Variants in ZNF804B observed in about 807,000 individuals in gnomAD.
The protein encoded by ZNF804B is zinc finger protein 804B.
ZNF804B carries 80 observed loss-of-function variants against 101.4 expected under a neutral mutation model. The ratio of observed to expected loss-of-function variants is 0.79; its 90% confidence interval spans 0.66 to 0.95. The LOEUF is 0.95. Among genes scored for constraint, ZNF804B ranks in the 40% least tolerant of loss-of-function variants. The pLI, the probability that ZNF804B is intolerant of heterozygous loss-of-function variation, is 0.00. For missense variants in ZNF804B, 1,673 were observed against 1,561.9 expected, an observed-to-expected ratio of 1.07 and a Z score of -1.20; for synonymous variants, 622 against 558.8, an observed-to-expected ratio of 1.11 and a Z score of -1.59.
chr7:89,035,056 A>G (rs1320460618), intron 1 of ZNF804B, among the ~76,000 whole-genome samples: 1 of 152,216 alleles, frequency 6.6e-6, no homozygotes, highest in Admixed American at 6.5e-5. Context: ...TTGGGGGAAG[A>G]AATTACATGT....
chr7:89,226,604 T>G (rs1789092299), intron 2 of ZNF804B, among the ~76,000 whole-genome samples: 1 of 152,072 alleles, frequency 6.6e-6, no homozygotes, highest in Admixed American at 6.5e-5. Flanking sequence ...CAAACTATGA[T>G]GTAACAACAT....
chr7:89,075,159 C>A (rs185818652), intron 1 of ZNF804B, among the ~76,000 whole-genome samples: 130 of 152,286 alleles, frequency 8.5e-4, no homozygotes, highest in Middle Eastern at 6.8e-3. Flanking sequence ...TTTCTAAGGA[C>A]AAATTCAAGC....
At chr7:89,085,038 T>G (rs1789768401) in intron 1 of ZNF804B, among the ~76,000 whole-genome samples, 1 of 151,938 alleles carries the variant, frequency 6.6e-6, no homozygotes, top group Admixed American at 6.6e-5. Context: ...GGGGACAGAC[T>G]GTTTCTGTAC....
chr7:88,890,353 T>G (rs1792198064), intron 1 of ZNF804B, among the ~76,000 whole-genome samples: 1 of 152,184 alleles, frequency 6.6e-6, no homozygotes, highest in Non-Finnish European at 1.5e-5. Context: ...TTGCAGGTTT[T>G]TACATAGACA....
chr7:89,301,933 G>A (rs926369857), intron 2 of ZNF804B, among the ~76,000 whole-genome samples: 5 of 151,790 alleles, frequency 3.3e-5, no homozygotes, highest in Non-Finnish European at 5.9e-5. Context: ...ATTAAGCACC[G>A]AACAAATGAT....
chr7:89,226,652 T>C (rs1274722742), intron 2 of ZNF804B, among the ~76,000 whole-genome samples: 1 of 152,070 alleles, frequency 6.6e-6, no homozygotes, highest in Non-Finnish European at 1.5e-5. Flanking sequence ...TCTTCATATA[T>C]TTTCACTTAA....
intron 1 of ZNF804B, among the ~76,000 whole-genome samples, chr7:89,018,821 C>T (rs10952942): frequency 0.71 from 108,157 of 151,836 alleles, 38,806 homozygotes; most frequent in African/African-American, 0.79. Context: ...CTCTTGCACT[C>T]CTGTTCTATC....
chr7:89,230,438 C>G (rs1296621488), intron 2 of ZNF804B, among the ~76,000 whole-genome samples: 3 of 151,878 alleles, frequency 2.0e-5, no homozygotes, highest in African/African-American at 7.3e-5. Flanking sequence ...CAAACTCATA[C>G]AAGAAGAAAA....
At position 89,333,589 on chromosome 7, in the gene ZNF804B, G is replaced by A. The variant is rs1315651346; in HGVS notation, c.607G>A (p.Val203Ile). Residue 203 changes from valine to isoleucine, a missense_variant, in exon 4 of 4, where the codon GTA becomes ATA. Coordinates refer to ENST00000333190, the MANE Select transcript of ZNF804B (RefSeq NM_181646.5). The stretch of plus-strand genomic sequence containing the variant: ...CAGGCGTTGTTTGTTTGGAAATCAG[G>A]TACTGCAAACATCTTCAGATCTCAG... Reference protein sequence around the residue: ...SDRRCLFGNQVLQTSSDLSNA... With the variant: ...SDRRCLFGNQILQTSSDLSNA... 1.9e-6 allele frequency: 3 copies of A among 1,613,504 alleles called. No homozygotes were observed. Among genetic ancestry groups the A allele is most frequent in the Admixed American group, 3.3e-5 (2 of 59,886 alleles).
chr7:89,273,635 T>C (rs1330279074), intron 2 of ZNF804B, among the ~76,000 whole-genome samples: 1 of 152,142 alleles, frequency 6.6e-6, no homozygotes, highest in Non-Finnish European at 1.5e-5. Flanking sequence ...TTCTGGAGTA[T>C]TATTTTATAT....
chr7:88,806,919 C>T (rs1319756938), intron 1 of ZNF804B, among the ~76,000 whole-genome samples: 1 of 151,962 alleles, frequency 6.6e-6, no homozygotes, highest in Non-Finnish European at 1.5e-5. Flanking sequence ...TTTATAAGGT[C>T]ATTCTCCAAG....
intron 1 of ZNF804B, among the ~76,000 whole-genome samples, chr7:88,786,192 G>A (rs28437837): frequency 0.041 from 6,178 of 151,994 alleles, 252 homozygotes; most frequent in African/African-American, 0.097. Flanking sequence ...AGAAATAGTG[G>A]GCAAGCTATT....
chr7:89,164,379 G>A (rs7800954), intron 1 of ZNF804B, among the ~76,000 whole-genome samples: 61,718 of 151,702 alleles, frequency 0.41, 13,128 homozygotes, highest in Non-Finnish European at 0.47. Context: ...AGAAACTATC[G>A]TGGAAAACTG....
chr7:88,965,774 T>A (rs1291710169), intron 1 of ZNF804B, among the ~76,000 whole-genome samples: 1 of 151,576 alleles, frequency 6.6e-6, no homozygotes, highest in Non-Finnish European at 1.5e-5. Flanking sequence ...AAGATTATTT[T>A]GCTATCTAAT....
At chr7:89,297,998 T>TA (rs1790410187) in intron 2 of ZNF804B, among the ~76,000 whole-genome samples, 1 of 148,192 alleles carries the variant, frequency 6.7e-6, no homozygotes, top group Non-Finnish European at 1.5e-5. Flanking sequence ...TTTTTTTTTT[T>TA]AGTTCCTCTA....
At chr7:89,148,382 T>G (rs1790821257) in intron 1 of ZNF804B, among the ~76,000 whole-genome samples, 1 of 152,050 alleles carries the variant, frequency 6.6e-6, no homozygotes, top group African/African-American at 2.4e-5. Flanking sequence ...TTCCAGATAC[T>G]TGTAGCATAC....
At chr7:88,959,164 A>T (rs565492978) in intron 1 of ZNF804B, among the ~76,000 whole-genome samples, 2 of 151,390 alleles carry the variant, frequency 1.3e-5, no homozygotes, top group East Asian at 3.9e-4. Flanking sequence ...CAATTTGGTA[A>T]GATTCATGTT....
intron 1 of ZNF804B, among the ~76,000 whole-genome samples, chr7:88,863,831 A>G (rs6973335): frequency 0.22 from 34,056 of 152,004 alleles, 4,656 homozygotes; most frequent in African/African-American, 0.4. Flanking sequence ...CAAGCATGGC[A>G]GTTGGAAGAA....
chr7:89,297,583 G>A (rs1790403209), intron 2 of ZNF804B, among the ~76,000 whole-genome samples: 1 of 151,964 alleles, frequency 6.6e-6, no homozygotes, highest in Admixed American at 6.6e-5. Flanking sequence ...TGACATTTCT[G>A]AGCATTTATC....
Sources: gnomAD v4.1 joint callset for allele counts (sites outside exome capture counted in the v4.1 genomes callset) on GRCh38, gnomAD v4.1.1 for gene constraint, MANE v1.5 for transcripts, NCBI Gene and HGNC (gene_info 2026-07-23, HGNC 2026-07-21) for gene names.